Variants in ZNF143 observed in about 807,000 individuals in gnomAD.
The protein encoded by ZNF143 is zinc finger protein 143.
A neutral mutation model predicts 74.1 loss-of-function variants in ZNF143; 49 were observed. The observed-to-expected ratio is 0.66, with a 90% CI of 0.53 to 0.84. ZNF143 has a LOEUF of 0.84. ZNF143 is among the 40% of genes least tolerant of loss of function. The pLI is 0.00. For missense variants in ZNF143, 637 were observed against 793.4 expected (o/e 0.80, Z 2.37); for synonymous variants, 304 against 282.8 (o/e 1.07, Z -0.75).
At chr11:9,476,476 G>A (rs1330257815) in intron 5 of ZNF143, among the ~76,000 whole-genome samples, 2 of 151,114 alleles carry the variant, frequency 1.3e-5, no homozygotes, top group African/African-American at 4.9e-5. Context: ...GGTTTCAAGC[G>A]ATTCTCCTGC....
chr11:9,491,091 T>C (rs1417473369), intron 7 of ZNF143, among the ~76,000 whole-genome samples: 1 of 152,192 alleles, frequency 6.6e-6, no homozygotes, highest in Non-Finnish European at 1.5e-5. Context: ...TATTAAGATA[T>C]ATTTCACATA....
intron 7 of ZNF143, among the ~76,000 whole-genome samples, chr11:9,491,244 C>T (rs1847762741): frequency 6.7e-6 from 1 of 150,222 alleles, no homozygotes; most frequent in African/African-American, 2.5e-5. Context: ...GAAAAAGATA[C>T]ATTTTACATA....
Position 9,525,393 on chromosome 11 carries a change from A to G in ZNF143, c.1833+7A>G, listed in dbSNP as rs1225981376. On this transcript the variant is annotated splice_region_variant and intron_variant, in intron 15 of 15. Transcript: ENST00000396602. Reference sequence around the variant, plus strand: ...CACCCAGATTGCAGTTCAGGTGAGTACCAAGGCATACTGTCCTCAGTCGAC... The same window carrying G: ...CACCCAGATTGCAGTTCAGGTGAGTGCCAAGGCATACTGTCCTCAGTCGAC... 2 of 1,614,036 alleles carry G rather than the reference A, an allele frequency of 1.2e-6. No homozygotes were observed. The highest frequency in any genetic ancestry group is 1.1e-5 in the South Asian group (1 of 91,064).
At chr11:9,527,293 G>A (rs1849165022) in intron 15 of ZNF143, among the ~76,000 whole-genome samples, 2 of 152,146 alleles carry the variant, frequency 1.3e-5, no homozygotes, top group Admixed American at 1.3e-4. Context: ...ATATCACCAG[G>A]CCTGGCTGCA....
intron 1 of ZNF143, chr11:9,461,604 C>T (rs1341729326): frequency 6.6e-6 from 1 of 151,532 alleles, no homozygotes; most frequent in East Asian, 1.9e-4. Context: ...CCATGCGTAT[C>T]GTGGGCAGAT....
chr11:9,507,530 A>C (rs530892986), intron 11 of ZNF143, among the ~76,000 whole-genome samples: 101 of 151,704 alleles, frequency 6.7e-4, no homozygotes, highest in Non-Finnish European at 1.3e-3. Context: ...TCTTCCCCTC[A>C]CTCTCGCCAC....
At chr11:9,467,739 C>CA (rs1283491283) in intron 1 of ZNF143, among the ~76,000 whole-genome samples, 1 of 150,386 alleles carries the variant, frequency 6.6e-6, no homozygotes, top group East Asian at 2.0e-4. Flanking sequence ...CCCAGTTACT[C>CA]AGGAGGCTGA....
Position 9,471,308 on chromosome 11 carries a change from G to A in ZNF143, c.-1G>A. On this transcript the variant is annotated 5_prime_UTR_variant, in exon 2 of 16. Transcript: ENST00000396602. ...GTCTTTATTTTTCTTCAAGGTAGAA[G>A]ATGTTGTTAGCCCAAATAAATCGAG... The A allele has an allele frequency of 6.2e-7, 1 of 1,603,518 alleles. No individual in the cohort carries two copies. The highest frequency in any genetic ancestry group is 8.5e-7 in the Non-Finnish European group (1 of 1,176,936).
At chr11:9,509,307 C>T (rs1848462692) in intron 12 of ZNF143, among the ~76,000 whole-genome samples, 1 of 152,212 alleles carries the variant, frequency 6.6e-6, no homozygotes, top group Non-Finnish European at 1.5e-5. Context: ...GGCAGCCAGC[C>T]TGTTTGGGTC....
At chr11:9,505,351 C>A (rs1848325254) in intron 11 of ZNF143, among the ~76,000 whole-genome samples, 1 of 151,570 alleles carries the variant, frequency 6.6e-6, no homozygotes, top group Admixed American at 6.6e-5. Flanking sequence ...CTCACTGCGA[C>A]CTCTGCCTCC....
intron 1 of ZNF143, among the ~76,000 whole-genome samples, chr11:9,463,281 C>G (rs920177991): frequency 1.3e-5 from 2 of 152,168 alleles, no homozygotes; most frequent in African/African-American, 4.8e-5. Flanking sequence ...TTTCATTTCT[C>G]TTGGGAGTAG....
At position 9,525,514 on chromosome 11, in the gene ZNF143, A is replaced by G. The variant is rs1428261896; in HGVS notation, c.1833+128A>G. On this transcript the variant is annotated intron_variant, in intron 15 of 15. Coordinates refer to ENST00000396602, the MANE Select transcript of ZNF143 (RefSeq NM_003442.6). Reference sequence around the variant, plus strand: ...TAGAATAATCTCTATCACCTAGCCTACTTTAAGGAAATCGGTGTATTTGAG... The same window carrying G: ...TAGAATAATCTCTATCACCTAGCCTGCTTTAAGGAAATCGGTGTATTTGAG... The G allele has an allele frequency of 3.2e-6, 4 of 1,247,790 alleles. No homozygotes were observed. The East Asian group carries it at 7.2e-5, about 22-fold the overall frequency. The allele number at this position is 1,247,790 out of a possible 1,614,324, so 77.3% of individuals were successfully genotyped here. A position where few individuals can be genotyped will look rare whatever the true frequency, so the allele number is the denominator to read the frequency against.
At position 9,528,200 on chromosome 11, in the gene ZNF143, T is replaced by G. The variant is rs1849192614; in HGVS notation, c.*587T>G. 1 of 152,618 alleles carries G rather than the reference T, an allele frequency of 6.6e-6. No individual in the cohort carries two copies. Among genetic ancestry groups the G allele is most frequent in the Non-Finnish European group, 1.5e-5 (1 of 68,044 alleles). The allele number at this position is 152,618 out of a possible 1,614,324, so 9.5% of individuals were successfully genotyped here. On this transcript the variant is annotated 3_prime_UTR_variant, in exon 16 of 16. Coordinates refer to ENST00000396602, the MANE Select transcript of ZNF143 (RefSeq NM_003442.6). ...AAACCAGCTCTTCAAGCTGAAATGC[T>G]AATTATATTGGCATTACATTGAATT... is the stretch of plus-strand genomic sequence containing the variant.
chr11:9,490,966 C>T (rs1847751671), intron 7 of ZNF143, among the ~76,000 whole-genome samples: 1 of 152,256 alleles, frequency 6.6e-6, no homozygotes, highest in African/African-American at 2.4e-5. Context: ...CTCCTGGGCT[C>T]ACGCGATCCT....
Position 9,525,321 on chromosome 11 carries a change from G to A in ZNF143, c.1768G>A (p.Val590Ile), listed in dbSNP as rs1849084186. 3 of 1,614,192 alleles carry A rather than the reference G, an allele frequency of 1.9e-6. No individual in the cohort carries two copies. Among genetic ancestry groups the A allele is most frequent in the Non-Finnish European group, 2.5e-6 (3 of 1,180,038 alleles). Reference protein sequence around the residue: ...MGHQQHSHHLVTTETRPLTLV... With the variant: ...MGHQQHSHHLITTETRPLTLV... ...GCACCAGCAGCATAGCCATCACTTA[G>A]TAACCACAGAAACCAGACCTCTGAC... Residue 590 changes from valine to isoleucine, a missense_variant, in exon 15 of 16, where the codon GTA becomes ATA. Val to Ile is a conservative substitution (Grantham distance 29). Coordinates refer to ENST00000396602, the MANE Select transcript of ZNF143 (RefSeq NM_003442.6).
At chr11:9,483,288 CTTTTTTTTTTTT>C (rs58704619) in intron 7 of ZNF143, among the ~76,000 whole-genome samples, 10 of 50,198 alleles carry the variant, frequency 2.0e-4, no homozygotes, top group East Asian at 4.7e-4. Flanking sequence ...GCCAACATGC[CTTTTTTTTTTTT>C]TTTTTTTTTT....
intron 13 of ZNF143, among the ~76,000 whole-genome samples, chr11:9,514,565 C>T (rs1565063887): frequency 6.6e-6 from 1 of 152,124 alleles, no homozygotes; most frequent in Non-Finnish European, 1.5e-5. Flanking sequence ...TGCTGTGGCA[C>T]CCTGGAGGAG....
chr11:9,469,619 T>C (rs908217670), intron 1 of ZNF143, among the ~76,000 whole-genome samples: 3 of 152,188 alleles, frequency 2.0e-5, no homozygotes, highest in African/African-American at 7.2e-5. Context: ...TTTCAGCTTG[T>C]TCTATGAACA....
intron 13 of ZNF143, among the ~76,000 whole-genome samples, chr11:9,513,634 G>T (rs1039020395): frequency 6.6e-6 from 1 of 152,212 alleles, no homozygotes; most frequent in Admixed American, 6.5e-5. Flanking sequence ...GGAGGCTTAC[G>T]CCTATAATCA....
Sources: allele counts gnomAD v4.1 joint callset (sites outside exome capture counted in the v4.1 genomes callset), GRCh38; gene constraint gnomAD v4.1.1; transcripts MANE v1.5; gene names NCBI Gene and HGNC (gene_info 2026-07-23, HGNC 2026-07-21).